OTUD7A: variants seen among roughly 807,000 people sequenced by gnomAD.
The protein encoded by OTUD7A is OTU deubiquitinase 7A.
OTUD7A carries 12 observed loss-of-function variants against 65.7 expected under a neutral mutation model. The ratio of observed to expected loss-of-function variants is 0.18; its 90% CI spans 0.12 to 0.30. The LOEUF (loss-of-function observed/expected upper bound fraction) is 0.30, where lower values mean the gene tolerates loss of function less well. OTUD7A is among the 10% of genes least tolerant of loss of function. The probability of loss-of-function intolerance (pLI) is 1.00; values close to 1 mark genes in which losing one functional copy is unlikely to be tolerated. For missense variants in OTUD7A, 1,148 were observed against 1,304.8 expected (o/e 0.88, Z 1.85); for synonymous variants, 641 against 586.3 (o/e 1.09, Z -1.35).
At chr15:31,780,164 T>G (rs1288385987) in intron 1 of OTUD7A, among the ~76,000 whole-genome samples, 1 of 152,160 alleles carries the variant, frequency 6.6e-6, no homozygotes, top group African/African-American at 2.4e-5. Context: ...CAGAATCACT[T>G]AAAAATAAAG....
chr15:31,840,064 T>A (rs779113956), intron 1 of OTUD7A, among the ~76,000 whole-genome samples: 2 of 152,138 alleles, frequency 1.3e-5, no homozygotes, highest in East Asian at 3.9e-4. Flanking sequence ...TGACTAGCAA[T>A]CCCCATTAAA....
intron 3 of OTUD7A, among the ~76,000 whole-genome samples, chr15:31,646,507 C>A (rs577140440): frequency 6.7e-6 from 1 of 149,012 alleles, no homozygotes; most frequent in East Asian, 2.0e-4. Context: ...GTTGCCCAGG[C>A]TGGAGTACAA....
In OTUD7A at chr15:31,688,299, C is replaced by T. The variant is rs532216431; in HGVS notation, c.-99-31222G>A. ...TGAACAAACTTATCACCATGAGCCA[C>T]GGTGTGCCCACTGATGTGCTGGAAA... is the stretch of plus-strand genomic sequence containing the variant. On this transcript the variant is annotated intron_variant, in intron 1 of 12. Transcript: ENST00000307050. 3.4e-3 allele frequency among the ~76,000 whole-genome samples: 518 copies of T among 152,030 alleles called. 3 individuals carry two copies. Among genetic ancestry groups the T allele is most frequent in the African/African-American group, 0.012 (500 of 41,410 alleles).
intron 8 of OTUD7A, among the ~76,000 whole-genome samples, chr15:31,520,604 A>T (rs6493733): frequency 0.093 from 14,187 of 152,280 alleles, 862 homozygotes; most frequent in African/African-American, 0.17. Flanking sequence ...ATAATTTATG[A>T]CCAAGTCTTC....
intron 3 of OTUD7A, among the ~76,000 whole-genome samples, chr15:31,630,735 G>A (rs1227450716): frequency 1.3e-5 from 2 of 152,028 alleles, no homozygotes; most frequent in East Asian, 3.9e-4. Context: ...TCTCTTTGTA[G>A]GTCACTCAGG....
chr15:31,788,572 C>A (rs1281222205), intron 1 of OTUD7A, among the ~76,000 whole-genome samples: 2 of 152,186 alleles, frequency 1.3e-5, no homozygotes, highest in African/African-American at 4.8e-5. Flanking sequence ...TGAAAGAATG[C>A]CCTAACCGTC....
intron 1 of OTUD7A, among the ~76,000 whole-genome samples, chr15:31,769,981 A>G (rs1481719089): frequency 6.6e-6 from 1 of 152,222 alleles, no homozygotes; most frequent in Non-Finnish European, 1.5e-5. Context: ...AAATAAAATT[A>G]AAAATGTAAC....
At chr15:31,593,072 G>A (rs980093534) in intron 3 of OTUD7A, among the ~76,000 whole-genome samples, 2 of 150,968 alleles carry the variant, frequency 1.3e-5, no homozygotes, top group African/African-American at 4.9e-5. Flanking sequence ...ATTATGTACT[G>A]TACATAGTTG....
chr15:31,737,971 G>C (rs1894237900), intron 1 of OTUD7A, among the ~76,000 whole-genome samples: 1 of 152,174 alleles, frequency 6.6e-6, no homozygotes, highest in African/African-American at 2.4e-5. Context: ...CTGGTAGTTT[G>C]TACATAGTAT....
chr15:31,858,354 G>C (rs1376652149), intron 1 of OTUD7A, among the ~76,000 whole-genome samples: 2 of 152,180 alleles, frequency 1.3e-5, no homozygotes, highest in Non-Finnish European at 2.9e-5. Context: ...GTGCAGTGTG[G>C]CTAGCATGGA....
chr15:31,517,024 T>C (rs2041868800), intron 8 of OTUD7A, among the ~76,000 whole-genome samples: 1 of 152,176 alleles, frequency 6.6e-6, no homozygotes, highest in African/African-American at 2.4e-5. Context: ...CACAGAGCGA[T>C]GGTCAGGTAA....
chr15:31,717,065 C>G (rs969117558), intron 1 of OTUD7A, among the ~76,000 whole-genome samples: 1 of 152,174 alleles, frequency 6.6e-6, no homozygotes, highest in Non-Finnish European at 1.5e-5. Flanking sequence ...ATCATTCTCT[C>G]CACATACAAG....
intron 5 of OTUD7A, among the ~76,000 whole-genome samples, chr15:31,549,030 G>A (rs1888228894): frequency 1.3e-5 from 2 of 151,870 alleles, no homozygotes; most frequent in Non-Finnish European, 2.9e-5. Context: ...CAGCTACTTG[G>A]GAGGCTAAGG....
intron 1 of OTUD7A, among the ~76,000 whole-genome samples, chr15:31,843,243 A>G (rs1407278988): frequency 4.0e-5 from 6 of 151,492 alleles, no homozygotes; most frequent in African/African-American, 1.5e-4. Context: ...AATTTCTCTT[A>G]GAAGGTTTAG....
intron 1 of OTUD7A, among the ~76,000 whole-genome samples, chr15:31,831,161 G>C (rs1896920801): frequency 1.3e-5 from 2 of 152,110 alleles, no homozygotes; most frequent in Non-Finnish European, 1.5e-5. Flanking sequence ...AATTAGAGAT[G>C]AATCACAATG....
At chr15:31,862,674 C>T (rs1897776002) in intron 1 of OTUD7A, among the ~76,000 whole-genome samples, 1 of 152,154 alleles carries the variant, frequency 6.6e-6, no homozygotes, top group African/African-American at 2.4e-5. Context: ...CCCCCTGAGT[C>T]CCTCCCATAA....
In OTUD7A at chr15:31,629,169, C is replaced by T. The variant is rs568235069; in HGVS notation, c.151+25927G>A. Among the ~76,000 whole-genome samples the T allele has an allele frequency of 2.4e-3, 361 of 152,214 alleles. No individual in the cohort carries two copies. The Middle Eastern group carries it at 0.024, about 10-fold the overall frequency. ...TGAGAGAGGGCATCCCTGTCTTATG[C>T]CAGTTTTCAAAGGGAATGCTTCCAG... On this transcript the variant is annotated intron_variant, in intron 3 of 12. Coordinates refer to ENST00000307050, the MANE Select transcript of OTUD7A (RefSeq NM_001382637.1).
intron 1 of OTUD7A, among the ~76,000 whole-genome samples, chr15:31,749,933 G>T (rs1214955047): frequency 1.3e-5 from 2 of 151,974 alleles, no homozygotes; most frequent in Non-Finnish European, 2.9e-5. Context: ...TTCAAGCTGG[G>T]AGTCAAATCA....
chr15:31,576,246 T>C (rs556833439), intron 3 of OTUD7A, among the ~76,000 whole-genome samples: 3 of 152,304 alleles, frequency 2.0e-5, no homozygotes, highest in Non-Finnish European at 2.9e-5. Context: ...TGTAAATTGA[T>C]AGCTTATCCC....
Sources: allele counts gnomAD v4.1 joint callset (sites outside exome capture counted in the v4.1 genomes callset), GRCh38; gene constraint gnomAD v4.1.1; transcripts MANE v1.5; gene names NCBI Gene and HGNC (gene_info 2026-07-23, HGNC 2026-07-21).